RNFT2: variants seen among roughly 807,000 people sequenced by gnomAD.
The protein encoded by RNFT2 is E3 ubiquitin-protein ligase RNFT2.
In RNFT2, 36 loss-of-function variants were observed where a neutral mutation model predicts 53.0. The observed-to-expected ratio is 0.68, with a 90% CI of 0.52 to 0.90. RNFT2 has a LOEUF of 0.90. Ranked by LOEUF, RNFT2 falls within the 40% of genes least tolerant of loss-of-function variation. The probability of loss-of-function intolerance (pLI) is 0.00; values close to 1 mark genes in which losing one functional copy is unlikely to be tolerated. For synonymous variants in RNFT2, 260 were observed against 253.2 expected (o/e 1.03, Z -0.26); for missense variants, 514 against 585.6 (o/e 0.88, Z 1.26).
chr12:116,744,442 G>A (rs911630675), intron 3 of RNFT2, among the ~76,000 whole-genome samples: 11 of 152,210 alleles, frequency 7.2e-5, no homozygotes, highest in South Asian at 6.2e-4. Context: ...TGTGCCAACC[G>A]CCACATTAGC....
intron 5 of RNFT2, among the ~76,000 whole-genome samples, chr12:116,761,815 T>G (rs1375453902): frequency 1.3e-5 from 2 of 152,112 alleles, no homozygotes; most frequent in Non-Finnish European, 2.9e-5. Context: ...AGACCCTCAA[T>G]TAGGTTACCT....
intron 7 of RNFT2, among the ~76,000 whole-genome samples, chr12:116,806,680 G>A (rs753628730): frequency 2.0e-5 from 3 of 151,230 alleles, no homozygotes; most frequent in Non-Finnish European, 2.9e-5. Context: ...GAGAGTTCGA[G>A]GCTGCAGTGA....
Position 116,740,484 on chromosome 12 carries a change from G to C in RNFT2, c.-14G>C. On this transcript the variant is annotated 5_prime_UTR_variant, in exon 2 of 11. Coordinates refer to ENST00000257575, the MANE Select transcript of RNFT2 (RefSeq NM_001382266.1). ...GCCTACCTCCAGTGTCGTCAACATG[G>C]AGTTCTGAAGTCCATGTGGCTCTTC... The C allele has an allele frequency of 1.3e-6, 2 of 1,571,668 alleles. No individual in the cohort carries two copies. The highest frequency in any genetic ancestry group is 8.6e-7 in the Non-Finnish European group (1 of 1,157,122).
chr12:116,803,069 TGGGCAACAG>T lies in RNFT2; in HGVS notation c.882+23722_882+23730del, dbSNP rs1377181377. Among the ~76,000 whole-genome samples the T allele has an allele frequency of 4.9e-3, 737 of 150,836 alleles. 5 individuals are homozygous for T. The highest frequency in any genetic ancestry group is 0.017 in the African/African-American group (688 of 41,150). ...GAGATCACGCCACTGCACCCCAGCC[TGGGCAACAG>T]AGCAAGACCCTGTCTTAAAAAAAAA... On this transcript the variant is annotated intron_variant, in intron 7 of 10. Transcript: ENST00000257575.
chr12:116,836,493 T>G (rs1198782296), intron 10 of RNFT2, among the ~76,000 whole-genome samples: 1 of 152,158 alleles, frequency 6.6e-6, no homozygotes, highest in Non-Finnish European at 1.5e-5. Flanking sequence ...AGGCTTGGTT[T>G]CCTTAGTAAG....
Position 116,740,466 on chromosome 12 carries a change from T to C in RNFT2, c.-32T>C, listed in dbSNP as rs1257184866. 6.4e-7 allele frequency: 1 copy of C among 1,565,134 alleles called. No individual in the cohort carries two copies. The highest frequency in any genetic ancestry group is 1.7e-4 in the Middle Eastern group (1 of 6,002). On this transcript the variant is annotated 5_prime_UTR_variant, in exon 2 of 11. Transcript: ENST00000257575. ...CCCTGAGGATTCCCGAATGCCTACC[T>C]CCAGTGTCGTCAACATGGAGTTCTG...
At chr12:116,841,473 C>T (rs1439019148) in intron 10 of RNFT2, among the ~76,000 whole-genome samples, 1 of 150,602 alleles carries the variant, frequency 6.6e-6, no homozygotes, top group African/African-American at 2.4e-5. Context: ...AATGACTGGG[C>T]ATGGTGGCTC....
chr12:116,825,021 C>T (rs1876251081), intron 7 of RNFT2, among the ~76,000 whole-genome samples: 1 of 152,154 alleles, frequency 6.6e-6, no homozygotes, highest in Non-Finnish European at 1.5e-5. Context: ...TACAGCTTGT[C>T]TCTCCTCCCC....
At chr12:116,800,812 T>TCAAAATAAAATAAAATAAAATAAAA (rs142455219) in intron 7 of RNFT2, among the ~76,000 whole-genome samples, 1 of 114,788 alleles carries the variant, frequency 8.7e-6, no homozygotes, top group Admixed American at 9.7e-5. Flanking sequence ...AGACTCCATC[T>TCAAAATAAAATAAAATAAAATAAAA]TAAAATAAAA....
At chr12:116,793,684 GT>G (rs1874356683) in intron 7 of RNFT2, among the ~76,000 whole-genome samples, 1 of 152,096 alleles carries the variant, frequency 6.6e-6, no homozygotes, top group Non-Finnish European at 1.5e-5. Flanking sequence ...GCTGGGAGCA[GT>G]TTTTTCCTGG....
At chr12:116,779,455 G>A in intron 7 of RNFT2, 107 bp downstream of exon 7, 2 of 1,207,896 alleles carry the variant, frequency 1.7e-6, no homozygotes, top group Non-Finnish European at 2.3e-6. Context: ...ACTGATGTCA[G>A]CATATAAAAT....
chr12:116,782,922 A>C (rs1001873242), intron 7 of RNFT2, among the ~76,000 whole-genome samples: 3 of 151,682 alleles, frequency 2.0e-5, no homozygotes, highest in Non-Finnish European at 2.9e-5. Flanking sequence ...CAGGTATTAA[A>C]CTCTTCAGTT....
intron 7 of RNFT2, among the ~76,000 whole-genome samples, chr12:116,785,162 C>G (rs1039496432): frequency 6.6e-5 from 10 of 151,894 alleles, no homozygotes; most frequent in African/African-American, 2.4e-4. Flanking sequence ...TGCTCCTTCT[C>G]TAATGGATCC....
At chr12:116,849,195 G>C in intron 10 of RNFT2, 119 bp from the exon 11 acceptor site, 1 of 732,688 alleles carries the variant, frequency 1.4e-6, no homozygotes, top group Non-Finnish European at 2.2e-6. Flanking sequence ...CCCAACGCGA[G>C]TGCAGGCGCC....
intron 7 of RNFT2, among the ~76,000 whole-genome samples, chr12:116,788,074 T>C (rs1874020252): frequency 1.3e-5 from 2 of 152,136 alleles, no homozygotes; most frequent in African/African-American, 4.8e-5. Context: ...ATTACAGGCA[T>C]GCGCCACCAC....
chr12:116,836,242 G>T lies in RNFT2; in HGVS notation c.1160G>T (p.Cys387Phe). 1 of 1,588,684 alleles carries T rather than the reference G, an allele frequency of 6.3e-7. No homozygotes were observed. The part of the protein sequence containing the change: ...CTEAGDICAI[C>F]QAEFREPLIL... ...GAAGCTGGTGACATCTGCGCCATCTGTCAGGCCGAGTTCCGAGAGCCTCTG... is the reference window on the plus strand; with the variant it reads ...GAAGCTGGTGACATCTGCGCCATCTTTCAGGCCGAGTTCCGAGAGCCTCTG... The change falls in exon 10 of 11, where the codon TGT becomes TTT. Residue 387 changes from cysteine to phenylalanine, a missense_variant. This residue lies in a region of RNFT2 where 273 missense variants were observed against 334.4 expected (regional missense o/e 0.82). Transcript: ENST00000257575.
At chr12:116,835,437 AATCCATAC>A (rs1452256948) in intron 8 of RNFT2, among the ~76,000 whole-genome samples, 1 of 152,222 alleles carries the variant, frequency 6.6e-6, no homozygotes, top group Non-Finnish European at 1.5e-5. Flanking sequence ...ACCCTCTAAA[AATCCATAC>A]ATCCTTCTCT....
At position 116,749,871 on chromosome 12, in the gene RNFT2, G is replaced by T; in HGVS notation, c.114G>T (p.Ala38=). The T allele has an allele frequency of 6.9e-6, 11 of 1,587,314 alleles. No individual in the cohort carries two copies. Among genetic ancestry groups the T allele is most frequent in the Non-Finnish European group, 9.4e-6 (11 of 1,166,754 alleles). The change falls in exon 4 of 11, where the codon GCG becomes GCT. Residue 38 remains alanine (A), a synonymous_variant. Coordinates refer to ENST00000257575, the MANE Select transcript of RNFT2 (RefSeq NM_001382266.1). ...RNRSQALSSE[A]SVDEGGVFES... ...GCAGCCAGGCGCTCAGCTCCGAGGC[G>T]AGTGTGGATGAAGGTGGCGTCTTTG...
At chr12:116,759,202 T>A (rs1872604809) in intron 5 of RNFT2, among the ~76,000 whole-genome samples, 1 of 152,364 alleles carries the variant, frequency 6.6e-6, no homozygotes, top group Admixed American at 6.5e-5. Flanking sequence ...CAAAGTTTCC[T>A]GAATTTTTAA....
Sources: gnomAD v4.1 joint callset for allele counts (sites outside exome capture counted in the v4.1 genomes callset) on GRCh38, gnomAD v4.1.1 for gene constraint, gnomAD v4.1.1 regional missense constraint, MANE v1.5 for transcripts, NCBI Gene and HGNC (gene_info 2026-07-23, HGNC 2026-07-21) for gene names.